ZFHX3: variants seen among roughly 807,000 people sequenced by gnomAD.
The protein encoded by ZFHX3 is zinc finger homeobox protein 3.
A neutral mutation model predicts 279.1 loss-of-function variants in ZFHX3; 42 were observed. The ratio of observed to expected loss-of-function variants is 0.15; its 90% CI spans 0.12 to 0.19. The LOEUF is 0.19. Among genes scored for constraint, ZFHX3 ranks in the 10% least tolerant of loss-of-function variants. The pLI is 1.00. For missense variants in ZFHX3, 4,981 were observed against 4,754.0 expected, an observed-to-expected ratio of 1.05 and a Z score of -1.40; for synonymous variants, 2,293 against 1,957.8, an observed-to-expected ratio of 1.17 and a Z score of -4.52.
intron 3 of ZFHX3, among the ~76,000 whole-genome samples, chr16:73,385,627 C>T (rs556575676): frequency 3.9e-5 from 6 of 152,350 alleles, no homozygotes; most frequent in Admixed American, 3.3e-4. Context: ...AAGAAAGACA[C>T]ACACAGAGAG....
chr16:73,380,875 G>T (rs1383844924), intron 3 of ZFHX3, among the ~76,000 whole-genome samples: 4 of 151,992 alleles, frequency 2.6e-5, no homozygotes, highest in South Asian at 4.2e-4. Flanking sequence ...ATATATTCCT[G>T]GGGTCACTCT....
chr16:73,171,733 A>G (rs1274095801), intron 5 of ZFHX3, among the ~76,000 whole-genome samples: 1 of 152,092 alleles, frequency 6.6e-6, no homozygotes, highest in East Asian at 1.9e-4. Flanking sequence ...TACATATTTT[A>G]CTAACTCTTG....
At chr16:72,871,225 G>C (rs1361815615) in intron 4 of ZFHX3, among the ~76,000 whole-genome samples, 1 of 152,090 alleles carries the variant, frequency 6.6e-6, no homozygotes, top group Non-Finnish European at 1.5e-5. Flanking sequence ...GCCCAGGTTG[G>C]AGTGCAATGG....
At chr16:73,663,066 A>G (rs2052801863) in intron 2 of ZFHX3, among the ~76,000 whole-genome samples, 1 of 152,242 alleles carries the variant, frequency 6.6e-6, no homozygotes, top group Admixed American at 6.5e-5. Flanking sequence ...TTCCAAAAAA[A>G]TAAAATAAAA....
intron 1 of ZFHX3, among the ~76,000 whole-genome samples, chr16:73,691,163 A>G (rs2053146127): frequency 6.6e-6 from 1 of 152,182 alleles, no homozygotes; most frequent in South Asian, 2.1e-4. Context: ...CTTGTTATAT[A>G]AGTTCGCCAA....
chr16:73,823,589 A>C (rs995589878), intron 1 of ZFHX3, among the ~76,000 whole-genome samples: 1 of 152,200 alleles, frequency 6.6e-6, no homozygotes, highest in Non-Finnish European at 1.5e-5. Flanking sequence ...TGTTTTTGTA[A>C]ATAAAGCTGT....
intron 5 of ZFHX3, among the ~76,000 whole-genome samples, chr16:72,825,974 C>CT (rs1353946028): frequency 3.9e-5 from 6 of 152,134 alleles, no homozygotes; most frequent in African/African-American, 7.2e-5. Context: ...GGTCTTACGA[C>CT]TACGGGCGTT....
At chr16:73,371,294 G>A (rs888454169) in intron 3 of ZFHX3, among the ~76,000 whole-genome samples, 19 of 151,830 alleles carry the variant, frequency 1.3e-4, no homozygotes, top group African/African-American at 4.6e-4. Context: ...GCAACAGAGC[G>A]AGACTCCATC....
rs181777917 is a variant in ZFHX3 at position 72,799,889 on chromosome 16, A to T, written c.3967+138T>A. 5.5e-6 allele frequency: 4 copies of T among 729,822 alleles called. No individual in the cohort carries two copies. The African/African-American group carries it at 6.9e-5, about 13-fold the overall frequency. The allele number at this position is 729,822 out of a possible 1,614,324, so 45.2% of individuals were successfully genotyped here. ...CAAGAAGCAGAGTATAAAGTAGCTG[A>T]TGACAGTGCCCCTCATCTCCTGATC... On this transcript the variant is annotated intron_variant, in intron 8 of 9. Coordinates refer to ENST00000268489, the MANE Select transcript of ZFHX3 (RefSeq NM_006885.4).
At chr16:72,801,381 T>G (rs993335474) in intron 7 of ZFHX3, among the ~76,000 whole-genome samples, 1 of 152,220 alleles carries the variant, frequency 6.6e-6, no homozygotes, top group Non-Finnish European at 1.5e-5. Flanking sequence ...AATACATTAC[T>G]ATTAATTTTT....
intron 1 of ZFHX3, among the ~76,000 whole-genome samples, chr16:73,000,353 G>T (rs913088412): frequency 1.3e-5 from 2 of 152,200 alleles, no homozygotes; most frequent in Non-Finnish European, 2.9e-5. Context: ...GGGAACAATG[G>T]TCTTTTCATA....
chr16:73,028,542 C>T (rs1964590219), intron 1 of ZFHX3, among the ~76,000 whole-genome samples: 1 of 152,202 alleles, frequency 6.6e-6, no homozygotes, highest in Admixed American at 6.5e-5. Flanking sequence ...CAGCCTTGGC[C>T]ACACCCAAGG....
At chr16:72,979,929 G>GAA (rs199700850) in intron 1 of ZFHX3, among the ~76,000 whole-genome samples, 1 of 151,414 alleles carries the variant, frequency 6.6e-6, no homozygotes, top group Non-Finnish European at 1.5e-5. Flanking sequence ...ATGTCCAAGA[G>GAA]AAAAAAAAAT....
chr16:72,802,970 T>G (rs1198739407), intron 7 of ZFHX3, among the ~76,000 whole-genome samples: 1 of 152,200 alleles, frequency 6.6e-6, no homozygotes, highest in Non-Finnish European at 1.5e-5. Context: ...ATCTGGCTAC[T>G]AAACTGCATG....
chr16:73,312,197 A>T (rs2015343971), intron 4 of ZFHX3, among the ~76,000 whole-genome samples: 1 of 152,148 alleles, frequency 6.6e-6, no homozygotes, highest in South Asian at 2.1e-4. Context: ...TGACAAAAGG[A>T]TGAAGGAGGT....
intron 2 of ZFHX3, among the ~76,000 whole-genome samples, chr16:73,506,666 C>T (rs1458654413): frequency 6.6e-6 from 1 of 152,146 alleles, no homozygotes; most frequent in African/African-American, 2.4e-5. Context: ...CTGACCGCGA[C>T]CAATCAGCCT....
At chr16:73,028,749 G>A (rs1011243607) in intron 1 of ZFHX3, among the ~76,000 whole-genome samples, 3 of 151,790 alleles carry the variant, frequency 2.0e-5, no homozygotes, top group East Asian at 3.9e-4. Context: ...GCAGTGGGCC[G>A]CCCAGAAAAA....
intron 3 of ZFHX3, among the ~76,000 whole-genome samples, chr16:72,937,427 A>G (rs984951256): frequency 6.6e-6 from 1 of 152,250 alleles, no homozygotes; most frequent in African/African-American, 2.4e-5. Context: ...CACAGCCGAC[A>G]GAGTCAGCAA....
chr16:72,824,344 C>T (rs558597045), intron 5 of ZFHX3, among the ~76,000 whole-genome samples: 28 of 152,230 alleles, frequency 1.8e-4, no homozygotes, highest in Admixed American at 9.2e-4. Flanking sequence ...AAATCAGGGA[C>T]GCTCCACTGC....
Sources: allele counts gnomAD v4.1 joint callset (sites outside exome capture counted in the v4.1 genomes callset), GRCh38; gene constraint gnomAD v4.1.1; transcripts MANE v1.5; gene names NCBI Gene and HGNC (gene_info 2026-07-23, HGNC 2026-07-21).